Variants in ELAPOR2 observed in about 807,000 individuals in gnomAD.
ELAPOR2 encodes the protein endosome-lysosome associated apoptosis and autophagy regulator family member 2, also known as endosome/lysosome-associated apoptosis and autophagy regulator family member 2.
In ELAPOR2, 89 loss-of-function variants were observed where a neutral mutation model predicts 120.7. The ratio of observed to expected loss-of-function variants is 0.74; its 90% CI spans 0.62 to 0.88. ELAPOR2 has a LOEUF of 0.88. Ranked by LOEUF, ELAPOR2 falls within the 40% of genes least tolerant of loss-of-function variation. The probability of loss-of-function intolerance (pLI) is 0.00; values close to 1 mark genes in which losing one functional copy is unlikely to be tolerated. For missense variants in ELAPOR2, 1,134 were observed against 1,251.6 expected, an observed-to-expected ratio of 0.91 and a Z score of 1.42; for synonymous variants, 444 against 444.9, an observed-to-expected ratio of 1.00 and a Z score of 0.03.
Position 86,891,843 on chromosome 7 carries a change from C to CAAA in ELAPOR2, c.2910_2911insTTT (p.Lys970_Glu971insPhe). ...CTGTCTGCAGCCGGGAGTTCACACTCTTTTGAGTTAGTCGTCATTACTAAC... is the reference window on the plus strand; with the variant it reads ...CTGTCTGCAGCCGGGAGTTCACACTCAAATTTTGAGTTAGTCGTCATTACTAAC... On this transcript the variant is annotated inframe_insertion, in exon 21 of 22. Coordinates refer to ENST00000450689, the MANE Select transcript of ELAPOR2 (RefSeq NM_001142749.3). The CAAA allele has an allele frequency of 6.2e-7, 1 of 1,611,040 alleles. No individual in the cohort carries two copies. Among genetic ancestry groups the CAAA allele is most frequent in the Middle Eastern group, 1.7e-4 (1 of 6,042 alleles).
chr7:87,058,105 C>T lies in ELAPOR2; in HGVS notation c.189+1220G>A, dbSNP rs1399540625. 2.6e-5 allele frequency among the ~76,000 whole-genome samples: 4 copies of T among 152,224 alleles called. No individual in the cohort carries two copies. In the East Asian group the frequency reaches 5.8e-4, roughly 22 times the overall value. ...CCCAATTACAACATTGCTGTGTGTT[C>T]GCACACAAGCCTTTGATCCGATTCT... On this transcript the variant is annotated intron_variant, in intron 1 of 21. Transcript: ENST00000450689.
intron 10 of ELAPOR2, among the ~76,000 whole-genome samples, chr7:86,922,711 T>C (rs113178743): frequency 0.038 from 5,795 of 152,006 alleles, 371 homozygotes; most frequent in African/African-American, 0.13. Flanking sequence ...ACAGGACTTA[T>C]CTACTGTTGA....
intron 2 of ELAPOR2, among the ~76,000 whole-genome samples, chr7:86,950,583 C>G (rs897620939): frequency 1.3e-5 from 2 of 152,218 alleles, no homozygotes; most frequent in Admixed American, 6.5e-5. Context: ...CACAGGGAAC[C>G]AGTGCCCATG....
chr7:87,036,823 T>A, intron 1 of ELAPOR2, among the ~76,000 whole-genome samples: 1 of 152,160 alleles, frequency 6.6e-6, no homozygotes, highest in East Asian at 1.9e-4. Flanking sequence ...GAAAAACTGT[T>A]GGGTACTATG....
At chr7:86,906,152 G>A (rs1789002277) in intron 18 of ELAPOR2, among the ~76,000 whole-genome samples, 1 of 152,088 alleles carries the variant, frequency 6.6e-6, no homozygotes, top group South Asian at 2.1e-4. Context: ...CAGATGTGCT[G>A]TAGTAAATAG....
chr7:86,925,987 A>G (rs1790050058), intron 9 of ELAPOR2, among the ~76,000 whole-genome samples: 1 of 152,024 alleles, frequency 6.6e-6, no homozygotes, highest in South Asian at 2.1e-4. Context: ...TAACTATGAA[A>G]CAAGTTCAAG....
At chr7:87,015,289 T>C (rs1352958957) in intron 1 of ELAPOR2, among the ~76,000 whole-genome samples, 1 of 152,228 alleles carries the variant, frequency 6.6e-6, no homozygotes, top group African/African-American at 2.4e-5. Flanking sequence ...TGTTGTGAAC[T>C]GCAACACTGT....
In ELAPOR2 at chr7:86,940,094, T is replaced by G. The variant is rs771679128; in HGVS notation, c.763A>C (p.Asn255His). ...CCTGTAGTTCTCCAGTAGAGTATGT[T>G]TGTGCCTGATTTCAGCATTACCTAT... ...SHSVMLKSGT[N>H]ILYWRTTGIL... The change falls in exon 6 of 22, where the codon AAC (asparagine) becomes CAC (histidine). Residue 255 changes from asparagine to histidine, a missense_variant. Around this residue, in one of 3 missense-constraint regions of ELAPOR2, gnomAD observed 280 missense variants for 331.5 expected, o/e 0.84. Coordinates refer to ENST00000450689, the MANE Select transcript of ELAPOR2 (RefSeq NM_001142749.3). 1 of 1,611,654 alleles carries G rather than the reference T, an allele frequency of 6.2e-7. No homozygotes were observed. Among genetic ancestry groups the G allele is most frequent in the South Asian group, 1.1e-5 (1 of 90,892 alleles).
chr7:86,912,270 T>C, intron 14 of ELAPOR2, 25 bp from the exon 15 acceptor site: 6 of 1,504,254 alleles, frequency 4.0e-6, no homozygotes, highest in Non-Finnish European at 5.5e-6. Flanking sequence ...AAAGAAACAA[T>C]ATAGCAGGAA....
chr7:86,885,584 G>C (rs907754577), intron 21 of ELAPOR2, among the ~76,000 whole-genome samples: 5 of 152,066 alleles, frequency 3.3e-5, no homozygotes, highest in African/African-American at 1.2e-4. Context: ...GTTACCAAGA[G>C]GGACTGGACA....
intron 21 of ELAPOR2, among the ~76,000 whole-genome samples, chr7:86,887,603 T>A (rs921087564): frequency 2.0e-5 from 3 of 152,236 alleles, no homozygotes; most frequent in African/African-American, 4.8e-5. Flanking sequence ...AATAGGACAC[T>A]TTTTATCACA....
At chr7:86,984,773 G>T (rs1189767499) in intron 1 of ELAPOR2, among the ~76,000 whole-genome samples, 1 of 152,126 alleles carries the variant, frequency 6.6e-6, no homozygotes, top group South Asian at 2.1e-4. Context: ...ACAATTAAAA[G>T]AACTAGAGAA....
chr7:86,934,831 C>G (rs1584368327), intron 8 of ELAPOR2, among the ~76,000 whole-genome samples: 1 of 152,110 alleles, frequency 6.6e-6, no homozygotes, highest in South Asian at 2.1e-4. Context: ...TACTCATGGT[C>G]TTTCCTTCCT....
intron 1 of ELAPOR2, among the ~76,000 whole-genome samples, chr7:87,044,612 T>A (rs1251299495): frequency 6.6e-6 from 1 of 151,660 alleles, no homozygotes; most frequent in East Asian, 1.9e-4. Context: ...CAATTCAAGA[T>A]GGATTAAAGA....
chr7:87,032,834 AG>A (rs1455377557), intron 1 of ELAPOR2, among the ~76,000 whole-genome samples: 2 of 152,226 alleles, frequency 1.3e-5, no homozygotes, highest in Non-Finnish European at 2.9e-5. Flanking sequence ...CTATCAAGAC[AG>A]GAGGACCAGT....
At chr7:86,998,559 TC>T (rs1793202062) in intron 1 of ELAPOR2, among the ~76,000 whole-genome samples, 1 of 152,124 alleles carries the variant, frequency 6.6e-6, no homozygotes, top group Non-Finnish European at 1.5e-5. Context: ...GGAGGGTTGC[TC>T]CATACATTGA....
In ELAPOR2 at chr7:86,971,998, T is replaced by C. The variant is rs912775010; in HGVS notation, c.190-6974A>G. Among the ~76,000 whole-genome samples, 3 of 152,140 alleles carry C rather than the reference T, an allele frequency of 2.0e-5. No homozygotes were observed. The East Asian group carries it at 5.8e-4, about 29-fold the overall frequency. Reference sequence around the variant, plus strand: ...AAGTTTAAAAAGAACCAGGCAACCATGGCTAGGTGAAGAAGCAGTCATGCA... The same window carrying C: ...AAGTTTAAAAAGAACCAGGCAACCACGGCTAGGTGAAGAAGCAGTCATGCA... On this transcript the variant is annotated intron_variant, in intron 1 of 21. Transcript: ENST00000450689.
At chr7:87,012,473 T>A (rs981479374) in intron 1 of ELAPOR2, among the ~76,000 whole-genome samples, 1 of 152,150 alleles carries the variant, frequency 6.6e-6, no homozygotes, top group Non-Finnish European at 1.5e-5. Context: ...ATTAGTCTAG[T>A]TCTACTCTTT....
chr7:87,059,559 C>T lies in ELAPOR2; in HGVS notation c.-46G>A. Reference sequence around the variant, plus strand: ...CGGGCCGGCGGCAAGGCAGCCTTCCCGGGGTGCGGCGGCAGCTCCGGCTCC... The same window carrying T: ...CGGGCCGGCGGCAAGGCAGCCTTCCTGGGGTGCGGCGGCAGCTCCGGCTCC... On this transcript the variant is annotated 5_prime_UTR_variant, in exon 1 of 22. Transcript: ENST00000450689. 1 of 1,153,992 alleles carries T rather than the reference C, an allele frequency of 8.7e-7. No individual in the cohort carries two copies. The highest frequency in any genetic ancestry group is 1.1e-6 in the Non-Finnish European group (1 of 938,686). 71.5% of individuals were successfully genotyped at this position (1,153,992 alleles called of 1,614,324 possible).
Sources: gnomAD v4.1 joint callset for allele counts (sites outside exome capture counted in the v4.1 genomes callset) on GRCh38, gnomAD v4.1.1 for gene constraint, gnomAD v4.1.1 regional missense constraint, MANE v1.5 for transcripts, NCBI Gene and HGNC (gene_info 2026-07-23, HGNC 2026-07-21) for gene names.